Variants in PLEKHM1 observed in about 807,000 individuals in gnomAD.
PLEKHM1 encodes the protein pleckstrin homology and RUN domain containing M1.
In PLEKHM1, 28 loss-of-function variants were observed where a neutral mutation model predicts 94.3. That is an observed-to-expected ratio of 0.30 (90% CI 0.22 to 0.41). PLEKHM1 has a LOEUF of 0.41. Ranked by LOEUF, PLEKHM1 falls within the 10% of genes least tolerant of loss-of-function variation. The pLI is 1.00. For missense variants in PLEKHM1, 907 were observed against 1,358.6 expected (o/e 0.67, Z 5.22); for synonymous variants, 424 against 581.2 (o/e 0.73, Z 3.89).
At chr17:45,442,651 C>G (rs1250037830) in intron 9 of PLEKHM1, among the ~76,000 whole-genome samples, 1 of 152,216 alleles carries the variant, frequency 6.6e-6, no homozygotes, top group African/African-American at 2.4e-5. Context: ...GTGATCCAAC[C>G]ACCTTGGCCT....
In PLEKHM1 at chr17:45,437,480, T is replaced by G; in HGVS notation, c.*378A>C. 2.0e-6 allele frequency: 1 copy of G among 497,356 alleles called. No individual in the cohort carries two copies. The highest frequency in any genetic ancestry group is 3.9e-6 in the Non-Finnish European group (1 of 255,418). 30.8% of individuals were successfully genotyped at this position (497,356 alleles called of 1,614,324 possible). On this transcript the variant is annotated 3_prime_UTR_variant, in exon 12 of 12. Coordinates refer to ENST00000430334, the MANE Select transcript of PLEKHM1 (RefSeq NM_014798.3). This position sits in a 1 kb window ranked among gnomAD's most constrained non-coding sequence, Gnocchi z 4.0. ...ATGGGAAAAACCCACCTTAAAAAAC[T>G]AGACCTTTTAATCAGGAATGTGGAA...
intron 8 of PLEKHM1, among the ~76,000 whole-genome samples, chr17:45,448,946 T>C (rs1383915086): frequency 6.6e-6 from 1 of 152,202 alleles, no homozygotes; most frequent in African/African-American, 2.4e-5. Flanking sequence ...AAAAAATAGA[T>C]GCATATGTCA....
chr17:45,442,712 A>G (rs564996290), intron 9 of PLEKHM1, among the ~76,000 whole-genome samples: 1 of 152,124 alleles, frequency 6.6e-6, no homozygotes, highest in Non-Finnish European at 1.5e-5. Context: ...GTCTTTTCAG[A>G]GTGGTCTTTT....
At chr17:45,484,866 C>G (rs563937197) in intron 1 of PLEKHM1, among the ~76,000 whole-genome samples, 1 of 151,498 alleles carries the variant, frequency 6.6e-6, no homozygotes, top group African/African-American at 2.4e-5. Context: ...GGAAAGCAGA[C>G]AGGCAGGCTG....
At chr17:45,435,787 C>T (rs2050238136), downstream of PLEKHM1, 1 of 369,244 alleles carries the variant, frequency 2.7e-6, no homozygotes, top group African/African-American at 2.1e-5. Context: ...CCTCCCAAGC[C>T]TTCCCCCGTG....
intron 2 of PLEKHM1, among the ~76,000 whole-genome samples, chr17:45,480,350 G>A (rs1483540816): frequency 6.6e-6 from 1 of 152,090 alleles, no homozygotes; most frequent in Non-Finnish European, 1.5e-5. Flanking sequence ...CGGGCATGGT[G>A]GTGCACACCC....
Position 45,468,389 on chromosome 17 carries a change from C to T in PLEKHM1, c.1128G>A (p.Pro376=), listed in dbSNP as rs372315224. ...GTQDGVHVQE[P]RPQAPSPLDL... ...CCAGGGGGCTGGGCGCCTGGGGACG[C>T]GGCTCCTGCACGTGGACACCATCTT... The change falls in exon 5 of 12, where the codon CCG becomes CCA. Residue 376 remains proline, a synonymous_variant. Transcript: ENST00000430334. 6.7e-5 allele frequency: 108 copies of T among 1,614,080 alleles called. No individual in the cohort carries two copies. The highest frequency in any genetic ancestry group is 2.7e-4 in the Admixed American group (16 of 60,004).
At position 45,437,905 on chromosome 17, in the gene PLEKHM1, G is replaced by A. The variant is rs765043168; in HGVS notation, c.3124C>T (p.Arg1042Cys). 16 of 1,613,808 alleles carry A rather than the reference G, an allele frequency of 9.9e-6. No individual in the cohort carries two copies. The highest frequency in any genetic ancestry group is 3.3e-4 in the Middle Eastern group (2 of 6,062). ...TGGTACTTGCGCCGGCGGGCACAGC[G>A]GGGGCAGCCCTTCTTCACCACAGCC... ...CQAVVKKGCP[R>C]CARRRKYQEQ... The change falls in exon 12 of 12, where the codon CGC (arginine) becomes TGC (cysteine). Residue 1042 changes from arginine (R) to cysteine (C), a missense_variant. Transcript: ENST00000430334. The surrounding 1 kb of genome is among the most constrained non-coding windows in gnomAD (Gnocchi z 4.0).
At chr17:45,480,751 CT>C (rs1333861177) in intron 2 of PLEKHM1, among the ~76,000 whole-genome samples, 2 of 152,194 alleles carry the variant, frequency 1.3e-5, no homozygotes, top group Non-Finnish European at 2.9e-5. Flanking sequence ...TGTATCAGGA[CT>C]TCATCCCTTT....
At chr17:45,439,991 C>A (rs2050392320) in intron 10 of PLEKHM1, 172 bp downstream of exon 10, 3 of 686,346 alleles carry the variant, frequency 4.4e-6, no homozygotes, top group Admixed American at 4.3e-5. Flanking sequence ...GGGTATCCGT[C>A]CCTGCCCAGG....
intron 2 of PLEKHM1, among the ~76,000 whole-genome samples, chr17:45,482,227 C>T (rs2145350491): frequency 6.7e-6 from 1 of 149,600 alleles, no homozygotes; most frequent in South Asian, 2.1e-4. Flanking sequence ...GGTTACTGAT[C>T]TTAAATTCCC....
chr17:45,450,289 TATCTA>T (rs1196548307), intron 8 of PLEKHM1, among the ~76,000 whole-genome samples: 1 of 152,252 alleles, frequency 6.6e-6, no homozygotes, highest in African/African-American at 2.4e-5. Flanking sequence ...ACCATCCATC[TATCTA>T]ATCTATCAAA....
intron 1 of PLEKHM1, chr17:45,487,706 G>A (rs1567811906): frequency 4.4e-6 from 2 of 456,078 alleles, no homozygotes; most frequent in Non-Finnish European, 8.8e-6. Context: ...CAAAAAAAGA[G>A]AATGACTTGG....
intron 6 of PLEKHM1, chr17:45,454,536 C>T: frequency 1.7e-6 from 1 of 595,684 alleles, no homozygotes. Context: ...CGCCCTGTTC[C>T]CTACACCCAC....
At chr17:45,486,240 A>AAAAAAAT (rs1555588810) in intron 1 of PLEKHM1, among the ~76,000 whole-genome samples, 9 of 142,860 alleles carry the variant, frequency 6.3e-5, no homozygotes, top group Admixed American at 1.5e-4. Context: ...TAAAATAAAA[A>AAAAAAAT]AATAATAATA....
intron 7 of PLEKHM1, among the ~76,000 whole-genome samples, chr17:45,451,150 C>G (rs2050762960): frequency 6.6e-6 from 1 of 152,010 alleles, no homozygotes; most frequent in African/African-American, 2.4e-5. Context: ...CCAGCCTCCT[C>G]TAGGTCCACC....
intron 5 of PLEKHM1, 105 bp from the exon 6 acceptor site, chr17:45,458,544 C>T (rs2051047760): frequency 3.6e-6 from 4 of 1,108,986 alleles, no homozygotes; most frequent in Non-Finnish European, 5.4e-6. Context: ...AACCTCGGCT[C>T]ACTGCAACCT....
chr17:45,436,266 G>A lies in PLEKHM1; in HGVS notation c.*1592C>T, dbSNP rs764423314. On this transcript the variant is annotated 3_prime_UTR_variant, in exon 12 of 12. Transcript: ENST00000430334. Reference sequence around the variant, plus strand: ...GACTAGGCTGGGCTTGTGGTGGAGCGTTAATGTGGGCCATGGCGGTGCATA... The same window carrying A: ...GACTAGGCTGGGCTTGTGGTGGAGCATTAATGTGGGCCATGGCGGTGCATA... The A allele has an allele frequency of 4.2e-5, 19 of 454,214 alleles. No individual in the cohort carries two copies. The highest frequency in any genetic ancestry group is 1.4e-3 in the Middle Eastern group (2 of 1,448). 28.1% of individuals were successfully genotyped at this position (454,214 alleles called of 1,614,324 possible).
At chr17:45,440,649 G>C (rs2050421655) in intron 9 of PLEKHM1, among the ~76,000 whole-genome samples, 1 of 152,202 alleles carries the variant, frequency 6.6e-6, no homozygotes, top group Admixed American at 6.5e-5. Context: ...TGTGAGGCTG[G>C]TACTATCACA....
Sources: gnomAD v4.1 joint callset for allele counts (sites outside exome capture counted in the v4.1 genomes callset) on GRCh38, gnomAD v4.1.1 for gene constraint, Gnocchi (gnomAD v3.1) non-coding constraint, MANE v1.5 for transcripts, NCBI Gene and HGNC (gene_info 2026-07-23, HGNC 2026-07-21) for gene names.